GRID2: variants seen among roughly 807,000 people sequenced by gnomAD.
GRID2 encodes the protein glutamate ionotropic receptor delta type subunit 2, also known as glutamate receptor ionotropic, delta-2.
GRID2 carries 33 observed loss-of-function variants against 114.8 expected under a neutral mutation model. The observed-to-expected ratio is 0.29, with a 90% CI of 0.22 to 0.38. The LOEUF (loss-of-function observed/expected upper bound fraction) is 0.38. Ranked by LOEUF, GRID2 falls within the 10% of genes least tolerant of loss-of-function variation. The pLI is 1.00. For synonymous variants in GRID2, 505 were observed against 449.9 expected (o/e 1.12, Z -1.55); for missense variants, 1,184 against 1,257.7 (o/e 0.94, Z 0.89).
intron 8 of GRID2, among the ~76,000 whole-genome samples, chr4:93,360,459 GT>G (rs1227795440): frequency 2.0e-5 from 3 of 151,872 alleles, no homozygotes; most frequent in Non-Finnish European, 4.4e-5. Flanking sequence ...CTGATATGTA[GT>G]GTCAGTATTT....
chr4:93,171,879 T>C (rs1403687258), intron 4 of GRID2, among the ~76,000 whole-genome samples: 6 of 152,204 alleles, frequency 3.9e-5, no homozygotes, highest in Admixed American at 3.3e-4. Context: ...TAGCCATAGC[T>C]TCATATGACC....
At chr4:93,270,215 TACACACAC>T (rs34945534) in intron 8 of GRID2, among the ~76,000 whole-genome samples, 7,744 of 137,108 alleles carry the variant, frequency 0.056, 419 homozygotes, top group African/African-American at 0.14. Context: ...CACACACACA[TACACACAC>T]ACACACACAC....
chr4:92,664,133 T>C (rs1732654914), intron 2 of GRID2, among the ~76,000 whole-genome samples: 1 of 151,242 alleles, frequency 6.6e-6, no homozygotes, highest in South Asian at 2.1e-4. Flanking sequence ...TTTTTTTCTT[T>C]TAAATTCTAA....
chr4:93,532,229 C>A (rs746977193), intron 13 of GRID2, among the ~76,000 whole-genome samples: 20 of 152,074 alleles, frequency 1.3e-4, no homozygotes, highest in Admixed American at 7.9e-4. Context: ...ATTTTAATCT[C>A]CTGAGTGTCT....
intron 2 of GRID2, among the ~76,000 whole-genome samples, chr4:92,928,742 C>A (rs1249242587): frequency 1.3e-5 from 2 of 151,582 alleles, no homozygotes; most frequent in African/African-American, 4.8e-5. Context: ...AAAGTGCAAA[C>A]ACTGAACAAA....
chr4:92,413,289 C>G (rs1186563021), intron 1 of GRID2, among the ~76,000 whole-genome samples: 3 of 151,988 alleles, frequency 2.0e-5, no homozygotes, highest in African/African-American at 7.2e-5. Context: ...TGTATACAGG[C>G]TTAAAATAAA....
intron 2 of GRID2, among the ~76,000 whole-genome samples, chr4:92,654,162 G>T (rs1387201087): frequency 6.6e-6 from 1 of 151,896 alleles, no homozygotes; most frequent in East Asian, 1.9e-4. Context: ...TCACAGTTCT[G>T]CAGACCCAGA....
At chr4:92,915,874 G>A (rs370397226) in intron 2 of GRID2, among the ~76,000 whole-genome samples, 1 of 151,982 alleles carries the variant, frequency 6.6e-6, no homozygotes, top group African/African-American at 2.4e-5. Flanking sequence ...CTTATGAAAC[G>A]TATCTGTTTA....
chr4:92,965,606 T>C (rs1205455589), intron 2 of GRID2, among the ~76,000 whole-genome samples: 1 of 151,770 alleles, frequency 6.6e-6, no homozygotes, highest in African/African-American at 2.4e-5. Flanking sequence ...CTCACTTCTA[T>C]TATGGGTCTA....
At chr4:92,853,539 C>A (rs1743973641) in intron 2 of GRID2, among the ~76,000 whole-genome samples, 1 of 151,978 alleles carries the variant, frequency 6.6e-6, no homozygotes, top group South Asian at 2.1e-4. Context: ...ATTTTGACTC[C>A]ATAAAATAAA....
At chr4:93,083,230 T>G (rs913987579) in intron 2 of GRID2, among the ~76,000 whole-genome samples, 1 of 152,188 alleles carries the variant, frequency 6.6e-6, no homozygotes, top group Non-Finnish European at 1.5e-5. Context: ...AAATCATTAA[T>G]GGTCATATAT....
At chr4:93,552,782 CA>C (rs1216299770) in intron 13 of GRID2, among the ~76,000 whole-genome samples, 3 of 140,554 alleles carry the variant, frequency 2.1e-5, no homozygotes, top group East Asian at 2.1e-4. Context: ...ACCCCTCCCC[CA>C]GCCCCCCACC....
At chr4:93,306,371 A>T (rs186498157) in intron 8 of GRID2, 11 of 152,292 alleles carry the variant, frequency 7.2e-5, no homozygotes, top group Non-Finnish European at 1.5e-5. Flanking sequence ...ATTCCCCTAC[A>T]CTATGTTGGA....
At chr4:92,885,109 T>G (rs1746285100) in intron 2 of GRID2, 1 of 316,646 alleles carries the variant, frequency 3.2e-6, no homozygotes, top group Non-Finnish European at 6.1e-6. Flanking sequence ...CTGTTAAAAT[T>G]TAAGTAAGTT....
rs964727764 is a variant in GRID2, at chr4:92,409,017, G to A, written c.88+104273G>A. On this transcript the variant is annotated intron_variant, in intron 1 of 15. Transcript: ENST00000282020. ...ACTTCCAGTGCTATGTTAAATAGGA[G>A]TGGTGAGAGTGAGCGTACTTGTCTT... 6.6e-5 allele frequency among the ~76,000 whole-genome samples: 10 copies of A among 152,228 alleles called. No individual in the cohort carries two copies. In the East Asian group the frequency reaches 1.7e-3, roughly 26 times the overall value.
In GRID2 at chr4:92,304,352, C is replaced by A. The variant is rs892129341; in HGVS notation, c.-305C>A. ...TCTGATCTGAGCCCCAGCCTCTCCCCCTGCCCAAGAGCAGTAGAGGCTGGA... is the reference window on the plus strand; with the variant it reads ...TCTGATCTGAGCCCCAGCCTCTCCCACTGCCCAAGAGCAGTAGAGGCTGGA... On this transcript the variant is annotated 5_prime_UTR_variant, in exon 1 of 16. Coordinates refer to ENST00000282020, the MANE Select transcript of GRID2 (RefSeq NM_001510.4). The A allele has an allele frequency of 1.5e-5, 6 of 395,422 alleles. No homozygotes were observed. Among genetic ancestry groups the A allele is most frequent in the South Asian group, 7.0e-5 (3 of 42,648 alleles). 24.5% of individuals were successfully genotyped at this position (395,422 alleles called of 1,614,324 possible).
At chr4:92,773,779 AAAAC>A (rs1176888994) in intron 2 of GRID2, among the ~76,000 whole-genome samples, 2 of 152,106 alleles carry the variant, frequency 1.3e-5, no homozygotes, top group African/African-American at 2.4e-5. Flanking sequence ...GAATAAAAGA[AAAAC>A]AATAAAATGT....
Position 92,987,941 on chromosome 4 carries a change from C to T in GRID2, c.245-97054C>T, listed in dbSNP as rs552294393. 4.6e-5 allele frequency among the ~76,000 whole-genome samples: 7 copies of T among 152,170 alleles called. No homozygotes were observed. In the South Asian group the frequency reaches 1.5e-3, roughly 32 times the overall value. On this transcript the variant is annotated intron_variant, in intron 2 of 15. Coordinates refer to ENST00000282020, the MANE Select transcript of GRID2 (RefSeq NM_001510.4). ...TCCTCATGAGATGTTTGAGGGATTT[C>T]AGTGATATGACATTTTTTCTTCAGT...
chr4:92,426,245 A>G (rs1256058244), intron 1 of GRID2, among the ~76,000 whole-genome samples: 1 of 152,134 alleles, frequency 6.6e-6, no homozygotes, highest in Non-Finnish European at 1.5e-5. Context: ...TCTGACCACC[A>G]ATACTGAAAT....
Sources: gnomAD v4.1 joint callset for allele counts (sites outside exome capture counted in the v4.1 genomes callset) on GRCh38, gnomAD v4.1.1 for gene constraint, MANE v1.5 for transcripts, NCBI Gene and HGNC (gene_info 2026-07-23, HGNC 2026-07-21) for gene names.